The following PIK3R6 variants were observed in gnomAD, a reference collection of about 807,000 sequenced individuals.
The protein encoded by PIK3R6 is phosphoinositide-3-kinase regulatory subunit 6.
PIK3R6 carries 91 observed loss-of-function variants against 84.9 expected under a neutral mutation model. The observed-to-expected ratio is 1.07, with a 90% CI of 0.90 to 1.28. The LOEUF (loss-of-function observed/expected upper bound fraction) is 1.28, where lower values mean the gene tolerates loss of function less well. Ranked by LOEUF, PIK3R6 falls within the 50% of genes most tolerant of loss-of-function variation. PIK3R6 has a pLI of 0.00. For missense variants in PIK3R6, 996 were observed against 985.1 expected (o/e 1.01, Z -0.15); for synonymous variants, 416 against 411.4 (o/e 1.01, Z -0.13).
At chr17:8,809,406 T>C (rs2087290481) in intron 18 of PIK3R6, among the ~76,000 whole-genome samples, 1 of 152,188 alleles carries the variant, frequency 6.6e-6, no homozygotes, top group Non-Finnish European at 1.5e-5. Flanking sequence ...GCAAAGCAAC[T>C]AGGTAATAAT....
chr17:8,860,726 G>C (rs1235426862), intron 1 of PIK3R6, among the ~76,000 whole-genome samples: 1 of 152,124 alleles, frequency 6.6e-6, no homozygotes, highest in Non-Finnish European at 1.5e-5. Flanking sequence ...AATCTCGTGT[G>C]GCAACAATTA....
At chr17:8,838,720 A>T in intron 3 of PIK3R6, 65 bp from the exon 4 acceptor site, 1 of 1,459,182 alleles carries the variant, frequency 6.9e-7, no homozygotes, top group Non-Finnish European at 9.3e-7. Context: ...GACCCCTCTG[A>T]GCAGGACCCT....
chr17:8,839,165 T>C lies in PIK3R6; in HGVS notation c.97+449A>G, dbSNP rs902830835. On this transcript the variant is annotated intron_variant, in intron 3 of 19. Transcript: ENST00000619866. This position sits in a 1 kb window ranked among gnomAD's most constrained non-coding sequence, Gnocchi z 4.2. ...GAGTTCGAGACCAACCTGGCCAACA[T>C]GGTGAAACTGCATCTCTACGAAAAA... Among the ~76,000 whole-genome samples, 5 of 151,932 alleles carry C rather than the reference T, an allele frequency of 3.3e-5. No individual in the cohort carries two copies. The highest frequency in any genetic ancestry group is 7.3e-5 in the African/African-American group (3 of 41,334).
intron 8 of PIK3R6, among the ~76,000 whole-genome samples, chr17:8,834,981 G>A (rs1028332036): frequency 6.6e-6 from 1 of 152,052 alleles, no homozygotes; most frequent in Non-Finnish European, 1.5e-5. Context: ...AGGATTACAG[G>A]TGCCCGCCAC....
At chr17:8,852,253 A>G (rs9915784) in intron 1 of PIK3R6, among the ~76,000 whole-genome samples, 7,639 of 152,292 alleles carry the variant, frequency 0.05, 644 homozygotes, top group African/African-American at 0.17. Context: ...ATTGAATTAT[A>G]TACTTAAAAA....
intron 15 of PIK3R6, 69 bp downstream of exon 15, chr17:8,822,927 G>C (rs1409464473): frequency 7.8e-7 from 1 of 1,289,662 alleles, no homozygotes; most frequent in Non-Finnish European, 1.1e-6. Flanking sequence ...TCAGGTGAGA[G>C]GTGGAAGGAT....
intron 10 of PIK3R6, among the ~76,000 whole-genome samples, 189 bp downstream of exon 10, chr17:8,829,517 T>C (rs1166985836): frequency 8.1e-6 from 1 of 122,760 alleles, no homozygotes; most frequent in African/African-American, 3.0e-5. Context: ...CACTCATGCA[T>C]ACACACACAC....
At position 8,828,757 on chromosome 17, in the gene PIK3R6, G is replaced by A. The variant is rs1189363265; in HGVS notation, c.1123C>T (p.Arg375Cys). Residue 375 changes from arginine (R) to cysteine (C), a missense_variant, in exon 11 of 20, where the codon CGT (arginine) becomes TGT (cysteine). Coordinates refer to ENST00000619866, the MANE Select transcript of PIK3R6 (RefSeq NM_001010855.4). ...GLQRKGGIKK[R>C]AWPLDFLMPG... ...ATCAAGAAGTCCAGGGGCCATGCAC[G>A]CTTCTTGATGCCCCCTTTGCGCTGC... is the stretch of plus-strand genomic sequence containing the variant. The A allele has an allele frequency of 3.8e-6, 6 of 1,597,188 alleles. No homozygotes were observed. The highest frequency in any genetic ancestry group is 2.2e-5 in the East Asian group (1 of 44,524).
At chr17:8,815,892 A>C (rs1448722774) in intron 18 of PIK3R6, among the ~76,000 whole-genome samples, 2 of 152,236 alleles carry the variant, frequency 1.3e-5, no homozygotes, top group Admixed American at 1.3e-4. Context: ...CCAGATGTGA[A>C]TTTGGGGTAC....
At chr17:8,843,082 A>G (rs890555796) in intron 2 of PIK3R6, among the ~76,000 whole-genome samples, 32 of 152,132 alleles carry the variant, frequency 2.1e-4, no homozygotes, top group African/African-American at 7.7e-4. Flanking sequence ...CTACAGCCAC[A>G]TCTGCCCACC....
At chr17:8,807,517 G>A (rs1364376711) in intron 18 of PIK3R6, among the ~76,000 whole-genome samples, 1 of 152,174 alleles carries the variant, frequency 6.6e-6, no homozygotes, top group African/African-American at 2.4e-5. Flanking sequence ...GGAAGGAAGG[G>A]GGAAAAGCAT....
chr17:8,860,423 G>A (rs1008640073), intron 1 of PIK3R6, among the ~76,000 whole-genome samples: 1 of 151,912 alleles, frequency 6.6e-6, no homozygotes, highest in South Asian at 2.1e-4. Context: ...GTTTCATCCC[G>A]AATCCATCCC....
chr17:8,838,711 AC>A (rs757037965), intron 3 of PIK3R6, 56 bp from the exon 4 acceptor site: 8 of 1,483,026 alleles, frequency 5.4e-6, no homozygotes, highest in Non-Finnish European at 6.4e-6. Flanking sequence ...CTTAGAGGAG[AC>A]CCCTCTGAGC....
chr17:8,823,051 C>T lies in PIK3R6; in HGVS notation c.1662G>A (p.Glu554=). 2 of 1,610,468 alleles carry T rather than the reference C, an allele frequency of 1.2e-6. No homozygotes were observed. The change falls in exon 15 of 20, where the codon GAG becomes GAA. Residue 554 remains glutamate (E), a synonymous_variant. Transcript: ENST00000619866. ...CCTTCAGTTCAATGAGGAAAATGTCCTCAGTAGGGTCTTGGCTCAGGTCAC... is the reference window on the plus strand; with the variant it reads ...CCTTCAGTTCAATGAGGAAAATGTCTTCAGTAGGGTCTTGGCTCAGGTCAC... The part of the protein sequence containing the change: ...FFSDLSQDPT[E]DIFLIELKVK...
At chr17:8,823,216 T>A (rs2087800170) in intron 14 of PIK3R6, 130 bp from the exon 15 acceptor site, 1 of 833,822 alleles carries the variant, frequency 1.2e-6, no homozygotes, top group Non-Finnish European at 2.0e-6. Flanking sequence ...ATTTGAGGTC[T>A]TGAAGTTAAT....
intron 18 of PIK3R6, among the ~76,000 whole-genome samples, chr17:8,818,106 G>C (rs534274280): frequency 9.2e-5 from 14 of 152,188 alleles, no homozygotes; most frequent in Non-Finnish European, 1.8e-4. Flanking sequence ...GAGGTCATGA[G>C]TTTGCTGTGG....
intron 1 of PIK3R6, among the ~76,000 whole-genome samples, chr17:8,854,046 T>C (rs1259600445): frequency 6.6e-6 from 1 of 152,228 alleles, no homozygotes; most frequent in African/African-American, 2.4e-5. Flanking sequence ...GGATTTTTTT[T>C]TGTAGATACA....
chr17:8,822,570 C>T lies in PIK3R6; in HGVS notation c.1788+17G>A, dbSNP rs1391953179. ...GTACCTCTTGGCTACCTACTGACCA[C>T]GTCCATGCACACTGACCTTCTGGTA... On this transcript the variant is annotated intron_variant, in intron 16 of 19. Transcript: ENST00000619866. 9 of 1,613,524 alleles carry T rather than the reference C, an allele frequency of 5.6e-6. No individual in the cohort carries two copies. Among genetic ancestry groups the T allele is most frequent in the African/African-American group, 2.7e-5 (2 of 74,930 alleles).
chr17:8,819,935 A>T (rs996408538), intron 17 of PIK3R6, among the ~76,000 whole-genome samples: 53 of 116,140 alleles, frequency 4.6e-4, no homozygotes, highest in South Asian at 2.7e-3. Flanking sequence ...ATATATATAT[A>T]TATTTTTATA....
Sources: gnomAD v4.1 joint callset for allele counts (sites outside exome capture counted in the v4.1 genomes callset) on GRCh38, gnomAD v4.1.1 for gene constraint, Gnocchi (gnomAD v3.1) non-coding constraint, MANE v1.5 for transcripts, NCBI Gene and HGNC (gene_info 2026-07-23, HGNC 2026-07-21) for gene names.